Variants in SKI observed in about 807,000 individuals in gnomAD.
SKI encodes the protein ski oncogene.
A neutral mutation model predicts 59.3 loss-of-function variants in SKI; 23 were observed. That is an observed-to-expected ratio of 0.39 (90% confidence interval 0.28 to 0.55). The LOEUF (loss-of-function observed/expected upper bound fraction) is 0.55, where lower values mean the gene tolerates loss of function less well. SKI is among the 20% of genes least tolerant of loss of function. SKI has a pLI of 0.67. For synonymous variants in SKI, 673 were observed against 488.6 expected, an observed-to-expected ratio of 1.38 and a Z score of -4.98; for missense variants, 1,017 against 1,038.9, an observed-to-expected ratio of 0.98 and a Z score of 0.29.
At chr1:2,306,461 G>A (rs1184552283) in intron 6 of SKI, 116 bp from the exon 7 acceptor site, 3 of 1,147,076 alleles carry the variant, frequency 2.6e-6, no homozygotes, top group Non-Finnish European at 3.7e-6. Flanking sequence ...AGGAGGGGCC[G>A]GCACGCGGCA....
rs16824950 is a variant in SKI at position 2,266,796 on chromosome 1, C to T, written c.970-36182C>T. On this transcript the variant is annotated intron_variant, in intron 1 of 6. Coordinates refer to ENST00000378536, the MANE Select transcript of SKI (RefSeq NM_003036.4). ...AAGATGGTGCTGTCGTCACAGCGGC[C>T]GGATATCTGTAGCTCGTGGGCTCCC... Among the ~76,000 whole-genome samples, 748 of 152,244 alleles carry T rather than the reference C, an allele frequency of 4.9e-3. 3 individuals carry two copies. The highest frequency in any genetic ancestry group is 0.017 in the African/African-American group (697 of 41,546).
intron 1 of SKI, among the ~76,000 whole-genome samples, chr1:2,288,854 A>G (rs1407396552): frequency 6.6e-6 from 1 of 151,988 alleles, no homozygotes; most frequent in African/African-American, 2.4e-5. Context: ...CCCCTCTTCC[A>G]AAAACTACCC....
intron 1 of SKI, among the ~76,000 whole-genome samples, chr1:2,244,535 G>A (rs775320672): frequency 2.0e-5 from 3 of 152,154 alleles, no homozygotes; most frequent in Non-Finnish European, 2.9e-5. Context: ...AGCTGAGATG[G>A]CGCCATTGTA....
intron 1 of SKI, among the ~76,000 whole-genome samples, chr1:2,250,948 T>G (rs997215611): frequency 6.6e-5 from 10 of 152,236 alleles, no homozygotes; most frequent in Non-Finnish European, 1.3e-4. Flanking sequence ...CCCCATGCTT[T>G]TCTCAGGGGA....
Position 2,228,955 on chromosome 1 carries a change from G to GGTGCCC in SKI, c.191_196dup (p.Val64_Pro65dup), listed in dbSNP as rs1553189874. ...CGGGCGCGGCCGCGGTGCCGGCGCC[G>GGTGCCC]GTGCCCGCAGCCACCGAGCCGCCGC... On this transcript the variant is annotated inframe_insertion, in exon 1 of 7. Transcript: ENST00000378536. 1.0e-5 allele frequency: 14 copies of GGTGCCC among 1,401,326 alleles called. No homozygotes were observed. Among genetic ancestry groups the GGTGCCC allele is most frequent in the Non-Finnish European group, 1.2e-5 (13 of 1,081,038 alleles). The allele number at this position is 1,401,326 out of a possible 1,614,324, so 86.8% of individuals were successfully genotyped here. A position where few individuals can be genotyped will look rare whatever the true frequency, so the allele number is the denominator to read the frequency against.
Position 2,308,663 on chromosome 1 carries a change from T to TA in SKI, c.*1900dup, listed in dbSNP as rs894490026. Reference sequence around the variant, plus strand: ...AAATGATTTAGTTGGAGCAAAGCTTTAAGTGTGTTGGCGTGCTTCTGTGTG... The same window carrying TA: ...AAATGATTTAGTTGGAGCAAAGCTTTAAAGTGTGTTGGCGTGCTTCTGTGTG... On this transcript the variant is annotated 3_prime_UTR_variant, in exon 7 of 7. Transcript: ENST00000378536. 7 of 152,162 alleles carry TA rather than the reference T, an allele frequency of 4.6e-5. No homozygotes were observed. Among genetic ancestry groups the TA allele is most frequent in the African/African-American group, 9.7e-5 (4 of 41,436 alleles). The allele number at this position is 152,162 out of a possible 1,614,324, so 9.4% of individuals were successfully genotyped here.
At chr1:2,288,893 C>T (rs1640102624) in intron 1 of SKI, among the ~76,000 whole-genome samples, 2 of 152,206 alleles carry the variant, frequency 1.3e-5, no homozygotes, top group South Asian at 4.1e-4. Context: ...GTGAGGCCTG[C>T]AGTGGTGTGC....
At chr1:2,279,123 G>A (rs1275282109) in intron 1 of SKI, among the ~76,000 whole-genome samples, 1 of 152,160 alleles carries the variant, frequency 6.6e-6, no homozygotes, top group Non-Finnish European at 1.5e-5. Flanking sequence ...GGGCCTTGCT[G>A]GGCTGGGCCC....
At chr1:2,254,936 G>A (rs1158625170) in intron 1 of SKI, among the ~76,000 whole-genome samples, 3 of 152,204 alleles carry the variant, frequency 2.0e-5, no homozygotes, top group Admixed American at 2.0e-4. Flanking sequence ...CTTGGGTGCA[G>A]GTGGCTTTTA....
intron 1 of SKI, among the ~76,000 whole-genome samples, chr1:2,235,172 G>GC (rs540779129): frequency 1.6e-3 from 247 of 151,266 alleles, no homozygotes; most frequent in Admixed American, 3.8e-3. Context: ...CCTCCTGGTA[G>GC]CTGGGATTAC....
At position 2,275,409 on chromosome 1, in the gene SKI, A is replaced by T. The variant is rs1368517226; in HGVS notation, c.970-27569A>T. Reference sequence around the variant, plus strand: ...GGGGCTTTTTAGGTGCTCTGAGGCGATCTGGGTGTGGCCTGGCCGGTGTGG... The same window carrying T: ...GGGGCTTTTTAGGTGCTCTGAGGCGTTCTGGGTGTGGCCTGGCCGGTGTGG... On this transcript the variant is annotated intron_variant, in intron 1 of 6. Coordinates refer to ENST00000378536, the MANE Select transcript of SKI (RefSeq NM_003036.4). Among the ~76,000 whole-genome samples the T allele has an allele frequency of 3.9e-5, 6 of 152,176 alleles. No homozygotes were observed. In the East Asian group the frequency reaches 1.2e-3, roughly 29 times the overall value.
In SKI at chr1:2,229,800, C is replaced by G. The variant is rs1353770359; in HGVS notation, c.969+65C>G. ...TGGGGTGGGGGCCCCTTCTGGACTA[C>G]AGGCTCTGGTCTCCGAAGGCTGGGA... On this transcript the variant is annotated intron_variant, in intron 1 of 6. Transcript: ENST00000378536. This position sits in a 1 kb window ranked among gnomAD's most constrained non-coding sequence, Gnocchi z 6.3. 21 of 1,548,386 alleles carry G rather than the reference C, an allele frequency of 1.4e-5. No individual in the cohort carries two copies. Among genetic ancestry groups the G allele is most frequent in the Admixed American group, 2.0e-5 (1 of 50,956 alleles).
chr1:2,294,463 A>G (rs1375880018), intron 1 of SKI, among the ~76,000 whole-genome samples: 1 of 152,230 alleles, frequency 6.6e-6, no homozygotes, highest in Non-Finnish European at 1.5e-5. Context: ...GGACCAGGGC[A>G]GGCCCCAGAG....
At chr1:2,253,885 T>C (rs1639219689) in intron 1 of SKI, among the ~76,000 whole-genome samples, 1 of 152,048 alleles carries the variant, frequency 6.6e-6, no homozygotes, top group South Asian at 2.1e-4. Flanking sequence ...TTGCTGAGGG[T>C]TGCTTTCTGG....
intron 5 of SKI, among the ~76,000 whole-genome samples, chr1:2,305,549 T>C (rs1346568111): frequency 1.3e-5 from 2 of 152,082 alleles, no homozygotes; most frequent in Non-Finnish European, 1.5e-5. Context: ...CAGCGTGGGG[T>C]GTGAGTCACA....
At chr1:2,262,582 C>T (rs555541025) in intron 1 of SKI, among the ~76,000 whole-genome samples, 15 of 152,326 alleles carry the variant, frequency 9.8e-5, no homozygotes, top group African/African-American at 2.9e-4. Flanking sequence ...TGGGCGTGGA[C>T]GCCCTTGCTC....
Position 2,303,264 on chromosome 1 carries a change from C to G in SKI, c.1096-21C>G, listed in dbSNP as rs1211513437. 6.2e-7 allele frequency: 1 copy of G among 1,611,498 alleles called. No individual in the cohort carries two copies. The highest frequency in any genetic ancestry group is 1.3e-5 in the African/African-American group (1 of 75,016). On this transcript the variant is annotated intron_variant, in intron 2 of 6. Transcript: ENST00000378536. This position sits in a 1 kb window ranked among gnomAD's most constrained non-coding sequence, Gnocchi z 5.6. ...CTTGTTTTTCTCCTGGTCACTCACACAGACAACTCTTTCTCGACAGAGCCT... is the reference window on the plus strand; with the variant it reads ...CTTGTTTTTCTCCTGGTCACTCACAGAGACAACTCTTTCTCGACAGAGCCT...
At chr1:2,298,886 C>T (rs1640354043) in intron 1 of SKI, among the ~76,000 whole-genome samples, 1 of 152,228 alleles carries the variant, frequency 6.6e-6, no homozygotes. Flanking sequence ...TGGTGCTTGC[C>T]CACTACTCAC....
chr1:2,304,741 G>A (rs191932919), intron 5 of SKI, among the ~76,000 whole-genome samples, 156 bp downstream of exon 5: 5 of 152,314 alleles, frequency 3.3e-5, no homozygotes, highest in Admixed American at 3.3e-4. Context: ...GACCTTGGGG[G>A]TCCGTCTCCC....
Sources: allele counts gnomAD v4.1 joint callset (sites outside exome capture counted in the v4.1 genomes callset), GRCh38; gene constraint gnomAD v4.1.1; non-coding constraint Gnocchi (gnomAD v3.1); transcripts MANE v1.5; gene names NCBI Gene and HGNC (gene_info 2026-07-23, HGNC 2026-07-21).